The following BBS7 variants were observed in gnomAD, a reference collection of about 807,000 sequenced individuals.
BBS7 encodes Bardet-Biedl syndrome 7, also known as BBSome complex member BBS7.
In BBS7, 50 loss-of-function variants were observed where a neutral mutation model predicts 90.3. That is an observed-to-expected ratio of 0.55 (90% CI 0.44 to 0.70). The LOEUF (loss-of-function observed/expected upper bound fraction) is 0.70. Ranked by LOEUF, BBS7 falls within the 30% of genes least tolerant of loss-of-function variation. The pLI is 0.00. For missense variants in BBS7, 729 were observed against 838.9 expected (o/e 0.87, Z 1.62); for synonymous variants, 235 against 287.4 (o/e 0.82, Z 1.85).
chr4:121,867,361 G>C (rs1727344001), intron 2 of BBS7, among the ~76,000 whole-genome samples: 1 of 151,974 alleles, frequency 6.6e-6, no homozygotes, highest in African/African-American at 2.4e-5. Context: ...CATGTCATCG[G>C]CAAACAGAGA....
chr4:121,846,235 A>G (rs1162837069), intron 10 of BBS7, among the ~76,000 whole-genome samples: 1 of 152,214 alleles, frequency 6.6e-6, no homozygotes, highest in African/African-American at 2.4e-5. Context: ...CAAGAGTTAG[A>G]GAGGATTCTG....
chr4:121,840,076 T>G (rs977472310), intron 12 of BBS7, among the ~76,000 whole-genome samples: 10 of 152,194 alleles, frequency 6.6e-5, no homozygotes, highest in African/African-American at 1.4e-4. Flanking sequence ...CTGTCCCCAT[T>G]CAAATCTCAT....
intron 2 of BBS7, among the ~76,000 whole-genome samples, chr4:121,867,358 T>A (rs1022023659): frequency 1.3e-5 from 2 of 152,176 alleles, no homozygotes; most frequent in Admixed American, 6.5e-5. Flanking sequence ...GATCATGTCA[T>A]CGGCAAACAG....
At chr4:121,837,487 C>G (rs1014586980) in intron 13 of BBS7, among the ~76,000 whole-genome samples, 11 of 152,070 alleles carry the variant, frequency 7.2e-5, no homozygotes, top group African/African-American at 2.7e-4. Context: ...TAGATGGATG[C>G]CAGTTGTGCC....
chr4:121,835,341 T>C (rs1725402773), intron 13 of BBS7, 58 bp from the exon 14 acceptor site: 1 of 1,587,662 alleles, frequency 6.3e-7, no homozygotes, highest in Non-Finnish European at 8.6e-7. Context: ...AACATATCTT[T>C]AGAATGTTCA....
chr4:121,848,904 T>C lies in BBS7; in HGVS notation c.874A>G (p.Ile292Val), dbSNP rs755678035. Residue 292 changes from isoleucine to valine, a missense_variant, in exon 9 of 19, where the codon ATC becomes GTC. Ile to Val is a conservative substitution (Grantham distance 29, BLOSUM62 3). Transcript: ENST00000264499. Reference sequence around the variant, plus strand: ...TCTTTTCCTACACAACCACCCTGGATAGATGTGACGCTTTCAGACAACATC... The same window carrying C: ...TCTTTTCCTACACAACCACCCTGGACAGATGTGACGCTTTCAGACAACATC... Reference protein sequence around the residue: ...DQMLSESVTSIQGGCVGKDSY... With the variant: ...DQMLSESVTSVQGGCVGKDSY... The C allele has an allele frequency of 1.4e-5, 22 of 1,613,862 alleles. No homozygotes were observed. Among genetic ancestry groups the C allele is most frequent in the East Asian group, 2.2e-5 (1 of 44,876 alleles).
chr4:121,859,682 T>C (rs1184735299), intron 4 of BBS7, among the ~76,000 whole-genome samples: 4 of 152,098 alleles, frequency 2.6e-5, no homozygotes, highest in African/African-American at 9.7e-5. Flanking sequence ...AGTTTTTTGC[T>C]CGAGTTAGCT....
chr4:121,827,336 T>C (rs1181097206), intron 18 of BBS7, among the ~76,000 whole-genome samples: 7 of 152,302 alleles, frequency 4.6e-5, no homozygotes, highest in African/African-American at 1.7e-4. Context: ...CTACAGTGAC[T>C]ATGGAAGGCT....
At position 121,838,148 on chromosome 4, in the gene BBS7, A is replaced by G. The variant is rs191234837; in HGVS notation, c.1371+1483T>C. Reference sequence around the variant, plus strand: ...ATTGCTTTTAATCAATTTTTACTTGACTTTTGAATTTATTAGCAGAAACTT... The same window carrying G: ...ATTGCTTTTAATCAATTTTTACTTGGCTTTTGAATTTATTAGCAGAAACTT... On this transcript the variant is annotated intron_variant, in intron 13 of 18. Transcript: ENST00000264499. Among the ~76,000 whole-genome samples, 9 of 152,164 alleles carry G rather than the reference A, an allele frequency of 5.9e-5. No individual in the cohort carries two copies. The East Asian group carries it at 1.5e-3, about 26-fold the overall frequency.
At chr4:121,842,089 T>TA (rs1441177322) in intron 12 of BBS7, among the ~76,000 whole-genome samples, 1 of 151,430 alleles carries the variant, frequency 6.6e-6, no homozygotes, top group Non-Finnish European at 1.5e-5. Context: ...CCATCTCTAC[T>TA]AAAAATACAA....
Position 121,845,489 on chromosome 4 carries a change from A to G in BBS7, c.1230+15T>C, listed in dbSNP as rs771781667. 1 of 1,598,612 alleles carries G rather than the reference A, an allele frequency of 6.3e-7. No homozygotes were observed. Among genetic ancestry groups the G allele is most frequent in the South Asian group, 1.1e-5 (1 of 90,374 alleles). ...GATCCAGTCATAAAACTAAGAAATT[A>G]GACATTTTGCTTACCTGTATTAAGA... On this transcript the variant is annotated intron_variant, in intron 11 of 18. Transcript: ENST00000264499.
Position 121,853,070 on chromosome 4 carries a change from G to T in BBS7, c.735C>A (p.Asp245Glu). ...CCCCATCACCCACAATGTCAAAGCT[G>T]TCAATACACAAAATACCTTTAAAAA... Reference protein sequence around the residue: ...EKKRGGILCIDSFDIVGDGVK... With the variant: ...EKKRGGILCIESFDIVGDGVK... Residue 245 changes from aspartate (D) to glutamate (E), a missense_variant, in exon 8 of 19, where the codon GAC (aspartate) becomes GAA (glutamate). Coordinates refer to ENST00000264499, the MANE Select transcript of BBS7 (RefSeq NM_176824.3). 1 of 1,613,138 alleles carries T rather than the reference G, an allele frequency of 6.2e-7. No homozygotes were observed. Among genetic ancestry groups the T allele is most frequent in the Non-Finnish European group, 8.5e-7 (1 of 1,179,346 alleles).
chr4:121,849,307 C>A (rs1230170338), intron 8 of BBS7, among the ~76,000 whole-genome samples: 1 of 152,198 alleles, frequency 6.6e-6, no homozygotes, highest in East Asian at 1.9e-4. Context: ...CTCAAACGAT[C>A]CTCCCTCCTT....
intron 18 of BBS7, among the ~76,000 whole-genome samples, chr4:121,826,427 C>G (rs1724909151): frequency 6.6e-6 from 1 of 152,148 alleles, no homozygotes; most frequent in South Asian, 2.1e-4. Context: ...GCAAATAGTC[C>G]TAGGTTCAAA....
At chr4:121,850,140 T>C (rs1726238911) in intron 8 of BBS7, among the ~76,000 whole-genome samples, 1 of 151,818 alleles carries the variant, frequency 6.6e-6, no homozygotes, top group Non-Finnish European at 1.5e-5. Context: ...TCTTTTAAAA[T>C]AATTGTAGGG....
At chr4:121,829,237 CTTTTTTTTT>C (rs58186352) in intron 15 of BBS7, among the ~76,000 whole-genome samples, 1 of 136,436 alleles carries the variant, frequency 7.3e-6, no homozygotes, top group Admixed American at 7.4e-5. Context: ...CATTATTTTT[CTTTTTTTTT>C]TTTTTTTGAG....
At chr4:121,869,721 T>C (rs950410856) in intron 1 of BBS7, among the ~76,000 whole-genome samples, 3 of 152,048 alleles carry the variant, frequency 2.0e-5, no homozygotes, top group Non-Finnish European at 4.4e-5. Context: ...GTACTTTTTG[T>C]AGAGAAGAGG....
At chr4:121,843,066 T>C (rs1414421211) in intron 12 of BBS7, among the ~76,000 whole-genome samples, 8 of 152,056 alleles carry the variant, frequency 5.3e-5, no homozygotes, top group African/African-American at 1.9e-4. Flanking sequence ...TGAAACTATA[T>C]AGCATTTTCA....
rs1578521505 is a variant in BBS7, at chr4:121,828,071, C to T, written c.2014+75G>A. The stretch of plus-strand genomic sequence containing the variant: ...GTAATCTTTTTATCTTTCTGCCCAG[C>T]TTCTCTTACATGATCCTTGGGAAAT... On this transcript the variant is annotated intron_variant, in intron 18 of 18. Transcript: ENST00000264499. The T allele has an allele frequency of 5.0e-6, 8 of 1,592,134 alleles. No individual in the cohort carries two copies. The East Asian group carries it at 1.3e-4, about 27-fold the overall frequency.
Sources: allele counts gnomAD v4.1 joint callset (sites outside exome capture counted in the v4.1 genomes callset), GRCh38; gene constraint gnomAD v4.1.1; transcripts MANE v1.5; gene names NCBI Gene and HGNC (gene_info 2026-07-23, HGNC 2026-07-21).